The following SPRYD7 variants were observed in gnomAD, a reference collection of about 807,000 sequenced individuals.
SPRYD7 encodes SPRY domain containing 7.
A neutral mutation model predicts 23.8 loss-of-function variants in SPRYD7; 14 were observed. That is an observed-to-expected ratio of 0.59 (90% CI 0.39 to 0.92). SPRYD7 has a LOEUF of 0.92. Ranked by LOEUF, SPRYD7 falls within the 40% of genes least tolerant of loss-of-function variation. The pLI is 0.00. For synonymous variants in SPRYD7, 75 were observed against 84.9 expected (o/e 0.88, Z 0.64); for missense variants, 194 against 241.7 (o/e 0.80, Z 1.31).
rs2138238632 is a variant in SPRYD7 at position 49,931,123 on chromosome 13, C to A, written c.118G>T (p.Val40Phe). The A allele has an allele frequency of 6.2e-7, 1 of 1,606,552 alleles. No homozygotes were observed. The highest frequency in any genetic ancestry group is 1.7e-5 in the Admixed American group (1 of 59,464). Residue 40 changes from valine (V) to phenylalanine (F), a missense_variant, in exon 2 of 5, where the codon GTT becomes TTT. By Grantham distance (50) the Val-to-Phe change is conservative (BLOSUM62 -1). Transcript: ENST00000361840. Reference protein sequence around the residue: ...LDTQHMGTDVVIVKNGRRICG... With the variant: ...LDTQHMGTDVFIVKNGRRICG... ...ATTCTTCTTCCATTCTTTACAATAA[C>A]AACATCTGTTCCTAAACAAAAAATG...
Position 49,915,133 on chromosome 13 carries a change from T to A in SPRYD7, c.521A>T (p.Gln174Leu). ...AGGCGTATGATAAAACTCACTGAAC[T>A]GGCAATCCAAAATTGCACTGTCATC... ...YVDDSAILDC[Q>L]FSEFYHTPPP... Residue 174 changes from glutamine (Q) to leucine (L), a missense_variant, in exon 5 of 5, where the codon CAG becomes CTG. Gln to Leu is a moderately radical substitution (Grantham distance 113). Transcript: ENST00000361840. 4.4e-6 allele frequency: 7 copies of A among 1,573,504 alleles called. No homozygotes were observed. The highest frequency in any genetic ancestry group is 5.2e-6 in the Non-Finnish European group (6 of 1,157,918).
chr13:49,928,984 G>A (rs1252785286), intron 2 of SPRYD7, among the ~76,000 whole-genome samples: 1 of 152,076 alleles, frequency 6.6e-6, no homozygotes, highest in Non-Finnish European at 1.5e-5. Flanking sequence ...AGTATTTTAA[G>A]CCACCACACC....
Position 49,914,929 on chromosome 13 carries a change from T to C in SPRYD7, c.*134A>G. On this transcript the variant is annotated 3_prime_UTR_variant, in exon 5 of 5. Transcript: ENST00000361840. ...CACAACTTCAGGGTGGTATACTGAA[T>C]ACATTGGTTCCTTAGACAGCATCAA... 4.3e-6 allele frequency: 2 copies of C among 460,194 alleles called. No individual in the cohort carries two copies. Among genetic ancestry groups the C allele is most frequent in the Non-Finnish European group, 7.9e-6 (2 of 254,010 alleles). 28.5% of individuals were successfully genotyped at this position (460,194 alleles called of 1,614,324 possible). A position where few individuals can be genotyped will look rare whatever the true frequency, so the allele number is the denominator to read the frequency against.
intron 4 of SPRYD7, among the ~76,000 whole-genome samples, chr13:49,916,323 T>A (rs537904282): frequency 6.6e-6 from 1 of 152,224 alleles, no homozygotes; most frequent in Admixed American, 6.5e-5. Context: ...ACATATAAGT[T>A]TAATGCACAT....
At position 49,913,386 on chromosome 13, in the gene SPRYD7, C is replaced by T. The variant is rs549096697; in HGVS notation, c.*1677G>A. ...AGTGAGCCAAGATCGTGCCACTGCA[C>T]TCTAGCCTGGGTGACAAGGTGAGAC... On this transcript the variant is annotated 3_prime_UTR_variant, in exon 5 of 5. Coordinates refer to ENST00000361840, the MANE Select transcript of SPRYD7 (RefSeq NM_020456.4). The T allele has an allele frequency of 1.4e-4, 21 of 148,288 alleles. No individual in the cohort carries two copies. Among genetic ancestry groups the T allele is most frequent in the African/African-American group, 4.7e-4 (19 of 40,266 alleles). 9.2% of individuals were successfully genotyped at this position (148,288 alleles called of 1,614,324 possible).
chr13:49,931,684 C>T (rs1421501091), intron 1 of SPRYD7, among the ~76,000 whole-genome samples: 5 of 152,226 alleles, frequency 3.3e-5, no homozygotes, highest in East Asian at 3.9e-4. Flanking sequence ...TACAGTGGTT[C>T]GTACCTGTAA....
At chr13:49,920,877 C>T (rs956192288) in intron 4 of SPRYD7, among the ~76,000 whole-genome samples, 2 of 152,142 alleles carry the variant, frequency 1.3e-5, no homozygotes, top group African/African-American at 2.4e-5. Flanking sequence ...AGGAGAATCG[C>T]TTGAACCCAG....
At chr13:49,935,882 T>A in intron 1 of SPRYD7, 1 of 308,030 alleles carries the variant, frequency 3.2e-6, no homozygotes, top group Non-Finnish European at 6.0e-6. Flanking sequence ...CCGAGATTCC[T>A]GTGAAAATGG....
At chr13:49,926,610 A>AT (rs1955884857) in intron 3 of SPRYD7, among the ~76,000 whole-genome samples, 1 of 152,148 alleles carries the variant, frequency 6.6e-6, no homozygotes, top group African/African-American at 2.4e-5. Context: ...AGTTGTTCAT[A>AT]TTTTTTAAAT....
intron 2 of SPRYD7, among the ~76,000 whole-genome samples, chr13:49,929,369 C>T (rs905298032): frequency 9.2e-5 from 14 of 152,144 alleles, no homozygotes. Flanking sequence ...AATTTTATAT[C>T]ATTCAAGGCT....
In SPRYD7 at chr13:49,912,972, C is replaced by T. The variant is rs1955707679; in HGVS notation, c.*2091G>A. The T allele has an allele frequency of 6.6e-6, 1 of 152,022 alleles. No individual in the cohort carries two copies. The highest frequency in any genetic ancestry group is 1.5e-5 in the Non-Finnish European group (1 of 68,010). 9.4% of individuals were successfully genotyped at this position (152,022 alleles called of 1,614,324 possible). On this transcript the variant is annotated 3_prime_UTR_variant, in exon 5 of 5. Transcript: ENST00000361840. ...TCTGAGCCTATGGGTCAAAAATAGC[C>T]CATCATAAATCCTTAGAAAATTTAC...
chr13:49,921,355 C>A lies in SPRYD7; in HGVS notation c.493+123G>T, dbSNP rs551497974. On this transcript the variant is annotated intron_variant, in intron 4 of 4. Coordinates refer to ENST00000361840, the MANE Select transcript of SPRYD7 (RefSeq NM_020456.4). Reference sequence around the variant, plus strand: ...TCTGTGGAACTGTGAGTCAATTAAACCTCTTTCCTTTATAAATTACCAAGT... The same window carrying A: ...TCTGTGGAACTGTGAGTCAATTAAAACTCTTTCCTTTATAAATTACCAAGT... The A allele has an allele frequency of 3.1e-4, 198 of 641,614 alleles. 3 individuals carry two copies. In the East Asian group the frequency reaches 5.6e-3, roughly 18 times the overall value. 39.7% of individuals were successfully genotyped at this position (641,614 alleles called of 1,614,324 possible). A position where few individuals can be genotyped will look rare whatever the true frequency, so the allele number is the denominator to read the frequency against.
chr13:49,914,974 A>G lies in SPRYD7; in HGVS notation c.*89T>C, dbSNP rs1955736579. 1 of 636,212 alleles carries G rather than the reference A, an allele frequency of 1.6e-6. No homozygotes were observed. The highest frequency in any genetic ancestry group is 2.6e-6 in the Non-Finnish European group (1 of 386,694). 39.4% of individuals were successfully genotyped at this position (636,212 alleles called of 1,614,324 possible). ...CATCAACAAGCATATTTTTAAGAAT[A>G]TATTTTCATCTATAGGCCAGGTAAA... On this transcript the variant is annotated 3_prime_UTR_variant, in exon 5 of 5. Transcript: ENST00000361840.
chr13:49,935,447 T>A (rs563407350), intron 1 of SPRYD7, among the ~76,000 whole-genome samples: 1 of 152,302 alleles, frequency 6.6e-6, no homozygotes, highest in Non-Finnish European at 1.5e-5. Context: ...ATAAATTATA[T>A]GGATTTGGAA....
chr13:49,917,382 C>T (rs1484767021), intron 4 of SPRYD7, among the ~76,000 whole-genome samples: 2 of 152,180 alleles, frequency 1.3e-5, no homozygotes, highest in Non-Finnish European at 2.9e-5. Context: ...GGATTACAGG[C>T]GTGAGCTACT....
At position 49,914,606 on chromosome 13, in the gene SPRYD7, A is replaced by C. The variant is rs1236720801; in HGVS notation, c.*457T>G. The C allele has an allele frequency of 6.6e-6, 1 of 152,576 alleles. No individual in the cohort carries two copies. Among genetic ancestry groups the C allele is most frequent in the African/African-American group, 2.4e-5 (1 of 41,430 alleles). The allele number at this position is 152,576 out of a possible 1,614,324, so 9.5% of individuals were successfully genotyped here. A position where few individuals can be genotyped will look rare whatever the true frequency, so the allele number is the denominator to read the frequency against. On this transcript the variant is annotated 3_prime_UTR_variant, in exon 5 of 5. Transcript: ENST00000361840. ...CAAAAATGAAATTGCCAGTAATATAAATTTCTCTCACTTTGTTATATTGTA... is the reference window on the plus strand; with the variant it reads ...CAAAAATGAAATTGCCAGTAATATACATTTCTCTCACTTTGTTATATTGTA...
rs993566430 is a variant in SPRYD7 at position 49,914,466 on chromosome 13, A to G, written c.*597T>C. 1 of 152,520 alleles carries G rather than the reference A, an allele frequency of 6.6e-6. No homozygotes were observed. Among genetic ancestry groups the G allele is most frequent in the Non-Finnish European group, 1.5e-5 (1 of 68,028 alleles). 9.4% of individuals were successfully genotyped at this position (152,520 alleles called of 1,614,324 possible). ...GCCTGAGGCAACAAAATGCTCTGAC[A>G]ATTACTGAAACGTTTATCTCCTTTC... On this transcript the variant is annotated 3_prime_UTR_variant, in exon 5 of 5. Coordinates refer to ENST00000361840, the MANE Select transcript of SPRYD7 (RefSeq NM_020456.4).
chr13:49,932,891 G>A (rs932413254), intron 1 of SPRYD7, among the ~76,000 whole-genome samples: 4 of 151,826 alleles, frequency 2.6e-5, no homozygotes, highest in Non-Finnish European at 4.4e-5. Flanking sequence ...AATTAAAAAA[G>A]TTAACCCCCA....
intron 1 of SPRYD7, among the ~76,000 whole-genome samples, chr13:49,933,039 T>C (rs1011436850): frequency 1.3e-5 from 2 of 152,172 alleles, no homozygotes; most frequent in Admixed American, 1.3e-4. Flanking sequence ...ATCAAATAAC[T>C]GATAAAGGTT....
Sources: allele counts gnomAD v4.1 joint callset (sites outside exome capture counted in the v4.1 genomes callset), GRCh38; gene constraint gnomAD v4.1.1; transcripts MANE v1.5; gene names NCBI Gene and HGNC (gene_info 2026-07-23, HGNC 2026-07-21).